Variants in IL1RAPL2 observed in about 807,000 individuals in gnomAD.
IL1RAPL2 encodes the protein X-linked interleukin-1 receptor accessory protein-like 2.
A neutral mutation model predicts 44.1 loss-of-function variants in IL1RAPL2; 3 were observed. The ratio of observed to expected loss-of-function variants is 0.07; its 90% CI spans 0.03 to 0.18. The LOEUF is 0.18. Among genes scored for constraint, IL1RAPL2 ranks in the 10% least tolerant of loss-of-function variants. The probability of loss-of-function intolerance (pLI) is 1.00; values close to 1 mark genes in which losing one functional copy is unlikely to be tolerated. For synonymous variants in IL1RAPL2, 181 were observed against 178.8 expected, an observed-to-expected ratio of 1.01 and a Z score of -0.10; for missense variants, 391 against 496.4, an observed-to-expected ratio of 0.79 and a Z score of 2.02.
intron 5 of IL1RAPL2, among the ~76,000 whole-genome samples, chrX:105,290,950 A>G (rs1435177278): frequency 2.7e-5 from 3 of 111,681 alleles, no homozygotes; most frequent in African/African-American, 9.8e-5. Flanking sequence ...TCAAGTGCTG[A>G]GACACATGGC....
At chrX:105,759,471 A>C (rs138974118) in intron 10 of IL1RAPL2, among the ~76,000 whole-genome samples, 117 of 112,107 alleles carry the variant, frequency 1.0e-3, no homozygotes, top group African/African-American at 3.6e-3. Context: ...TTCATGCATG[A>C]TTGCATTCAA....
intron 1 of IL1RAPL2, among the ~76,000 whole-genome samples, chrX:104,627,380 G>A (rs1289982269): frequency 9.4e-6 from 1 of 106,548 alleles, no homozygotes; most frequent in Non-Finnish European, 1.9e-5. Context: ...TATACCTAAT[G>A]TAAATGACGA....
chrX:105,311,528 A>G (rs1404207496), intron 5 of IL1RAPL2, among the ~76,000 whole-genome samples: 1 of 107,805 alleles, frequency 9.3e-6, no homozygotes, highest in Non-Finnish European at 1.9e-5. Context: ...TAGTTTTTCT[A>G]CTTATAAAAT....
chrX:104,620,639 CAAAAAAAAAAAAAA>C (rs771769782), intron 1 of IL1RAPL2, among the ~76,000 whole-genome samples: 1 of 14,583 alleles, frequency 6.9e-5, no homozygotes, highest in African/African-American at 1.9e-4. Context: ...GAGTCTGTCT[CAAAAAAAAAAAAAA>C]AAAAAAAAAA....
chrX:105,200,675 G>T (rs2033708658), intron 3 of IL1RAPL2, among the ~76,000 whole-genome samples: 1 of 111,944 alleles, frequency 8.9e-6, no homozygotes, highest in South Asian at 3.7e-4. Flanking sequence ...ACTTTGGGAG[G>T]CTGAGGCAGG....
chrX:105,440,801 G>T (rs1222594460), intron 5 of IL1RAPL2, among the ~76,000 whole-genome samples: 1 of 111,665 alleles, frequency 9.0e-6, no homozygotes, highest in Non-Finnish European at 1.9e-5. Flanking sequence ...TCAAGGGTGG[G>T]GCCAGGTGGA....
intron 1 of IL1RAPL2, among the ~76,000 whole-genome samples, chrX:104,618,443 A>G (rs1357300235): frequency 8.9e-6 from 1 of 112,197 alleles, no homozygotes; most frequent in Non-Finnish European, 1.9e-5. Flanking sequence ...AGACACCCAG[A>G]GGTGTGCCTA....
intron 2 of IL1RAPL2, among the ~76,000 whole-genome samples, chrX:104,934,867 T>A (rs910269083): frequency 8.9e-6 from 1 of 111,987 alleles, no homozygotes; most frequent in African/African-American, 3.2e-5. Flanking sequence ...TTGTAAATAA[T>A]ACGAAATAAC....
chrX:105,219,945 G>T (rs1350972497), intron 3 of IL1RAPL2: 1 of 1,182,849 alleles, frequency 8.5e-7, no homozygotes, highest in Non-Finnish European at 1.1e-6. Flanking sequence ...TTACTGCATG[G>T]AGCGGCTTCC....
At chrX:104,644,968 G>C (rs886088164) in intron 1 of IL1RAPL2, among the ~76,000 whole-genome samples, 8 of 111,395 alleles carry the variant, frequency 7.2e-5, no homozygotes, top group African/African-American at 2.6e-4. Context: ...TAAATATAAA[G>C]GACACTTTTG....
chrX:105,100,093 T>C (rs1216881213), intron 2 of IL1RAPL2, among the ~76,000 whole-genome samples: 3 of 112,024 alleles, frequency 2.7e-5, no homozygotes, highest in Admixed American at 9.5e-5. Context: ...TATATTGTTA[T>C]AGTTGTTATA....
chrX:104,600,353 A>G (rs1327585317), intron 1 of IL1RAPL2, among the ~76,000 whole-genome samples: 1 of 111,213 alleles, frequency 9.0e-6, no homozygotes, highest in Non-Finnish European at 1.9e-5. Context: ...GTATTAGTAA[A>G]TCCAGTTTTA....
chrX:104,891,241 C>G (rs1193462217), intron 2 of IL1RAPL2, among the ~76,000 whole-genome samples: 1 of 111,779 alleles, frequency 8.9e-6, no homozygotes, highest in African/African-American at 3.3e-5. Context: ...ATGATGCCTC[C>G]AGCTTTGTTC....
chrX:105,074,971 A>C (rs1488870697), intron 2 of IL1RAPL2, among the ~76,000 whole-genome samples: 1 of 111,313 alleles, frequency 9.0e-6, no homozygotes. Flanking sequence ...TAGATATACA[A>C]TCATGTCATC....
chrX:105,484,210 C>G (rs1479458639), intron 5 of IL1RAPL2, 103 bp from the exon 6 acceptor site: 1 of 610,776 alleles, frequency 1.6e-6, no homozygotes. Context: ...AATGTTTACA[C>G]ACCATCAAGT....
chrX:105,430,290 C>T (rs892243179), intron 5 of IL1RAPL2, among the ~76,000 whole-genome samples: 1 of 111,507 alleles, frequency 9.0e-6, no homozygotes, highest in African/African-American at 3.2e-5. Context: ...TGCCAATCAC[C>T]GGTAGTACTC....
chrX:105,653,989 A>G (rs2037660102), intron 6 of IL1RAPL2, among the ~76,000 whole-genome samples: 1 of 110,533 alleles, frequency 9.0e-6, no homozygotes, highest in Non-Finnish European at 1.9e-5. Flanking sequence ...ACACACACAC[A>G]CACGCACACA....
chrX:105,719,853 C>G (rs1269356865), intron 7 of IL1RAPL2, among the ~76,000 whole-genome samples: 1 of 110,648 alleles, frequency 9.0e-6, no homozygotes, highest in East Asian at 2.8e-4. Flanking sequence ...GCCATTTGTA[C>G]TTTGAAGTTT....
chrX:105,588,461 G>A (rs1038905397), intron 6 of IL1RAPL2, among the ~76,000 whole-genome samples: 4 of 111,704 alleles, frequency 3.6e-5, no homozygotes, highest in African/African-American at 1.3e-4. Context: ...CATCACCGGG[G>A]TTTGGTGTAC....
Sources: allele counts gnomAD v4.1 joint callset (sites outside exome capture counted in the v4.1 genomes callset), GRCh38; gene constraint gnomAD v4.1.1; transcripts MANE v1.5; gene names NCBI Gene and HGNC (gene_info 2026-07-23, HGNC 2026-07-21).